ITPR1: variants seen among roughly 807,000 people sequenced by gnomAD.
The protein encoded by ITPR1 is inositol 1,4,5-trisphosphate-gated calcium channel ITPR1.
Under a neutral mutation model 318.4 loss-of-function variants are expected in ITPR1, and 96 were observed. That is an observed-to-expected ratio of 0.30 (90% CI 0.26 to 0.36). The LOEUF is 0.36. ITPR1 is among the 10% of genes least tolerant of loss of function. The pLI is 1.00. For synonymous variants in ITPR1, 1,312 were observed against 1,289.9 expected (o/e 1.02, Z -0.37); for missense variants, 2,440 against 3,460.2 (o/e 0.71, Z 7.40).
At chr3:4,796,162 C>T (rs1027087507) in intron 53 of ITPR1, among the ~76,000 whole-genome samples, 10 of 152,206 alleles carry the variant, frequency 6.6e-5, no homozygotes, top group African/African-American at 9.6e-5. Flanking sequence ...AACTTGAAAG[C>T]GATGTTATGT....
chr3:4,499,007 A>G (rs1390198835), intron 2 of ITPR1, among the ~76,000 whole-genome samples: 1 of 152,234 alleles, frequency 6.6e-6, no homozygotes, highest in Admixed American at 6.5e-5. Context: ...TACATAAGAT[A>G]TACATATTCA....
intron 3 of ITPR1, among the ~76,000 whole-genome samples, chr3:4,520,146 C>T (rs528273574): frequency 2.9e-4 from 44 of 152,298 alleles, no homozygotes; most frequent in Non-Finnish European, 5.6e-4. Flanking sequence ...ACTGCAAGTT[C>T]TGTGGTCACT....
chr3:4,701,323 A>G (rs1449777936), intron 35 of ITPR1, among the ~76,000 whole-genome samples: 1 of 152,174 alleles, frequency 6.6e-6, no homozygotes. Flanking sequence ...GTGAAGGCTA[A>G]ATATGTATAA....
intron 60 of ITPR1, among the ~76,000 whole-genome samples, chr3:4,822,232 G>T (rs2049775744): frequency 6.6e-6 from 1 of 152,220 alleles, no homozygotes; most frequent in Admixed American, 6.5e-5. Flanking sequence ...GCAGGCGAAA[G>T]AGCAACAGGC....
At chr3:4,840,391 G>T (rs1170773338) in intron 61 of ITPR1, among the ~76,000 whole-genome samples, 1 of 152,042 alleles carries the variant, frequency 6.6e-6, no homozygotes, top group African/African-American at 2.4e-5. Context: ...AAACAGCTAT[G>T]AAAGAATACC....
chr3:4,548,729 G>A (rs1460556193), intron 4 of ITPR1, among the ~76,000 whole-genome samples: 2 of 152,134 alleles, frequency 1.3e-5, no homozygotes, highest in Admixed American at 6.5e-5. Context: ...TAACTAAATT[G>A]AAAAGCCACT....
At chr3:4,496,333 GTGTA>G (rs756576247) in intron 2 of ITPR1, among the ~76,000 whole-genome samples, 7 of 148,614 alleles carry the variant, frequency 4.7e-5, no homozygotes, top group African/African-American at 1.7e-4. Flanking sequence ...GTGTGTGTGT[GTGTA>G]TGCATATGTA....
intron 61 of ITPR1, among the ~76,000 whole-genome samples, chr3:4,840,239 A>T (rs1039245): frequency 0.37 from 56,021 of 151,676 alleles, 10,873 homozygotes; most frequent in Non-Finnish European, 0.42. Flanking sequence ...AAAAGATATT[A>T]AAAAATGCAG....
chr3:4,552,712 AC>A (rs1337973773), intron 4 of ITPR1, among the ~76,000 whole-genome samples: 1 of 152,076 alleles, frequency 6.6e-6, no homozygotes, highest in Non-Finnish European at 1.5e-5. Context: ...GATCAACTTA[AC>A]CTTCAGCCTC....
At chr3:4,794,148 A>T (rs1217282643) in intron 52 of ITPR1, among the ~76,000 whole-genome samples, 2 of 152,226 alleles carry the variant, frequency 1.3e-5, no homozygotes, top group Non-Finnish European at 2.9e-5. Flanking sequence ...CACTGAAATT[A>T]TGCCTACCAT....
chr3:4,674,019 C>A (rs2094139220), intron 21 of ITPR1, among the ~76,000 whole-genome samples, 183 bp from the exon 22 acceptor site: 1 of 151,982 alleles, frequency 6.6e-6, no homozygotes, highest in African/African-American at 2.4e-5. Context: ...GGAAGACAGA[C>A]AATAGGCAAG....
At position 4,767,846 on chromosome 3, in the gene ITPR1, A is replaced by T. The variant is rs892689865; in HGVS notation, c.5726-665A>T. ...TTCTTTACAGTTCCCCTCATTTCAG[A>T]CTCATGTCACCACCGCAAGATAGAT... On this transcript the variant is annotated intron_variant, in intron 45 of 61. Transcript: ENST00000649015. 3.3e-5 allele frequency among the ~76,000 whole-genome samples: 5 copies of T among 151,922 alleles called. No individual in the cohort carries two copies. The South Asian group carries it at 1.0e-3, about 32-fold the overall frequency.
chr3:4,737,400 T>C (rs1023997916), intron 44 of ITPR1, among the ~76,000 whole-genome samples: 2 of 152,108 alleles, frequency 1.3e-5, no homozygotes, highest in Non-Finnish European at 2.9e-5. Context: ...AGGATGGACA[T>C]GGGACTGAAA....
chr3:4,667,182 A>G (rs2093968118), intron 17 of ITPR1, among the ~76,000 whole-genome samples, 195 bp from the exon 18 acceptor site: 1 of 152,248 alleles, frequency 6.6e-6, no homozygotes, highest in South Asian at 2.1e-4. Context: ...TGGCAGGCTT[A>G]GAAAAGTAAA....
intron 4 of ITPR1, among the ~76,000 whole-genome samples, chr3:4,570,116 C>T (rs1038897): frequency 0.96 from 146,359 of 152,242 alleles, 70,432 homozygotes; most frequent in Middle Eastern, 1. Context: ...ATATAGTTGC[C>T]GAAAAAAAAT....
chr3:4,784,874 G>A (rs191840083), intron 51 of ITPR1, among the ~76,000 whole-genome samples: 7 of 152,204 alleles, frequency 4.6e-5, no homozygotes, highest in Admixed American at 3.9e-4. Flanking sequence ...TTCAGCCAGG[G>A]CGACAGAGCA....
intron 2 of ITPR1, among the ~76,000 whole-genome samples, chr3:4,496,673 T>C (rs1269053883): frequency 6.6e-6 from 1 of 152,138 alleles, no homozygotes; most frequent in Non-Finnish European, 1.5e-5. Flanking sequence ...GGTGTTGGTA[T>C]TGCGGGGAGG....
chr3:4,610,569 A>AT (rs61151980), intron 4 of ITPR1, among the ~76,000 whole-genome samples: 5,301 of 151,368 alleles, frequency 0.035, 294 homozygotes, highest in African/African-American at 0.12. Context: ...AAGTATTGTC[A>AT]TTTTTTTTTA....
intron 33 of ITPR1, among the ~76,000 whole-genome samples, chr3:4,694,940 G>A (rs10440146): frequency 0.51 from 76,893 of 151,996 alleles, 20,197 homozygotes; most frequent in Non-Finnish European, 0.56. Context: ...GCACATAAAC[G>A]CATACAGTAT....
Sources: allele counts gnomAD v4.1 joint callset (sites outside exome capture counted in the v4.1 genomes callset), GRCh38; gene constraint gnomAD v4.1.1; transcripts MANE v1.5; gene names NCBI Gene and HGNC (gene_info 2026-07-23, HGNC 2026-07-21).